The following SCMH1 variants were observed in gnomAD, a reference collection of about 807,000 sequenced individuals.
The protein encoded by SCMH1 is Scm polycomb group protein homolog 1.
SCMH1 carries 37 observed loss-of-function variants against 70.8 expected under a neutral mutation model. The ratio of observed to expected loss-of-function variants is 0.52; its 90% confidence interval spans 0.40 to 0.69. SCMH1 has a LOEUF of 0.69. Among genes scored for constraint, SCMH1 ranks in the 30% least tolerant of loss-of-function variants. SCMH1 has a pLI of 0.00. For synonymous variants in SCMH1, 292 were observed against 307.4 expected (o/e 0.95, Z 0.52); for missense variants, 607 against 827.3 (o/e 0.73, Z 3.27).
chr1:41,237,677 T>C (rs1270011169), intron 1 of SCMH1, among the ~76,000 whole-genome samples: 1 of 152,202 alleles, frequency 6.6e-6, no homozygotes, highest in Non-Finnish European at 1.5e-5. Context: ...ACCCTATGCT[T>C]TCCCTATTTT....
chr1:41,183,903 C>T (rs1649483753), intron 2 of SCMH1, among the ~76,000 whole-genome samples: 1 of 152,018 alleles, frequency 6.6e-6, no homozygotes, highest in South Asian at 2.1e-4. Flanking sequence ...TTTTCTACTA[C>T]AGATTTACCA....
intron 4 of SCMH1, among the ~76,000 whole-genome samples, chr1:41,158,166 G>T (rs1645714448): frequency 6.6e-6 from 1 of 152,156 alleles, no homozygotes; most frequent in African/African-American, 2.4e-5. Flanking sequence ...GAGTAAAAAA[G>T]TGAAGTCTCA....
intron 6 of SCMH1, among the ~76,000 whole-genome samples, chr1:41,138,277 A>G (rs771667934): frequency 7.9e-5 from 12 of 152,178 alleles, no homozygotes; most frequent in Non-Finnish European, 1.5e-4. Context: ...GAGTTGACCA[A>G]TCTGAATCAA....
At chr1:41,034,252 A>C (rs1273472177) in intron 13 of SCMH1, among the ~76,000 whole-genome samples, 1 of 60,334 alleles carries the variant, frequency 1.7e-5, no homozygotes, top group African/African-American at 6.8e-5. Context: ...GGGTGGGGGG[A>C]GGGGCACCAC....
chr1:41,043,891 C>T (rs890086207), intron 12 of SCMH1: 3 of 151,932 alleles, frequency 2.0e-5, no homozygotes, highest in Non-Finnish European at 2.9e-5. Context: ...TTTAAATATA[C>T]AGGTATTCAA....
chr1:41,100,696 G>A (rs958419970), intron 8 of SCMH1, among the ~76,000 whole-genome samples: 2 of 151,594 alleles, frequency 1.3e-5, no homozygotes, highest in African/African-American at 4.8e-5. Context: ...CTCCCAAGTA[G>A]CTGGGACTAC....
intron 6 of SCMH1, among the ~76,000 whole-genome samples, chr1:41,133,813 T>C (rs1642795076): frequency 6.6e-6 from 1 of 152,004 alleles, no homozygotes; most frequent in South Asian, 2.1e-4. Flanking sequence ...CCAAAAAAAG[T>C]CCAGGACCAG....
chr1:41,084,162 A>G (rs995176086), intron 8 of SCMH1, among the ~76,000 whole-genome samples: 1 of 152,246 alleles, frequency 6.6e-6, no homozygotes, highest in African/African-American at 2.4e-5. Context: ...TGCACAGCAA[A>G]AGAGACTACC....
intron 1 of SCMH1, among the ~76,000 whole-genome samples, chr1:41,202,111 G>A (rs1187704731): frequency 2.0e-5 from 3 of 151,928 alleles, no homozygotes; most frequent in Non-Finnish European, 4.4e-5. Flanking sequence ...GTGCGATCTT[G>A]GCTCACTGCA....
intron 6 of SCMH1, among the ~76,000 whole-genome samples, chr1:41,142,227 T>C (rs1393653722): frequency 1.3e-5 from 2 of 152,036 alleles, no homozygotes; most frequent in Non-Finnish European, 2.9e-5. Context: ...TGAGAGGAAG[T>C]ATAGTCAAAG....
intron 5 of SCMH1, 108 bp from the exon 6 acceptor site, chr1:41,143,220 A>AAT: frequency 1.4e-6 from 1 of 718,046 alleles, no homozygotes; most frequent in Admixed American, 2.7e-5. Flanking sequence ...CAACTGAATT[A>AAT]TTCCCTAATA....
chr1:41,059,471 C>T (rs1462018503), intron 10 of SCMH1, among the ~76,000 whole-genome samples: 3 of 152,180 alleles, frequency 2.0e-5, no homozygotes, highest in African/African-American at 7.2e-5. Flanking sequence ...TGCTGGTCAG[C>T]CAAACTCCAG....
chr1:41,075,189 T>C (rs2011982), intron 9 of SCMH1, 30 bp downstream of exon 9: 1,292,069 of 1,605,426 alleles, frequency 0.8, 522,341 homozygotes, highest in African/African-American at 0.96. Context: ...AAACCCTTAT[T>C]CCTTTCTGGG....
At chr1:41,072,856 C>G (rs143102759) in intron 9 of SCMH1, among the ~76,000 whole-genome samples, 2 of 152,032 alleles carry the variant, frequency 1.3e-5, no homozygotes, top group Non-Finnish European at 2.9e-5. Flanking sequence ...CAGAGTGAGA[C>G]CCTGCCTCAA....
At chr1:41,027,557 A>T (rs1643952525) in exon 15 of SCMH1, 1 of 152,306 alleles carries the variant, frequency 6.6e-6, no homozygotes, top group African/African-American at 2.4e-5. Context: ...TCAAGGCTTT[A>T]TGGGTCTCTC....
intron 6 of SCMH1, among the ~76,000 whole-genome samples, chr1:41,131,315 A>G (rs1674647451): frequency 6.6e-6 from 1 of 152,176 alleles, no homozygotes; most frequent in South Asian, 2.1e-4. Flanking sequence ...TTTTGAAATC[A>G]GAAAATGTGA....
chr1:41,108,143 T>G (rs1668458719), intron 8 of SCMH1, among the ~76,000 whole-genome samples: 1 of 152,196 alleles, frequency 6.6e-6, no homozygotes, highest in African/African-American at 2.4e-5. Context: ...CTAACAGGTA[T>G]GCTAAAGTGC....
intron 11 of SCMH1, 100 bp from the exon 12 acceptor site, chr1:41,046,698 G>C (rs1646928444): frequency 1.1e-6 from 1 of 903,238 alleles, no homozygotes; most frequent in African/African-American, 1.6e-5. Context: ...GGCTTACCTG[G>C]TTACACAAAG....
intron 8 of SCMH1, among the ~76,000 whole-genome samples, chr1:41,104,059 T>G (rs903782157): frequency 2.0e-5 from 3 of 152,226 alleles, no homozygotes; most frequent in African/African-American, 7.2e-5. Context: ...TGGCTCTGCG[T>G]GCAGTTCCCT....
Sources: allele counts gnomAD v4.1 joint callset (sites outside exome capture counted in the v4.1 genomes callset), GRCh38; gene constraint gnomAD v4.1.1; transcripts MANE v1.5; gene names NCBI Gene and HGNC (gene_info 2026-07-23, HGNC 2026-07-21).